Variants in MGA observed in about 807,000 individuals in gnomAD.
MGA encodes the protein MAX dimerization protein MGA, also known as MAX gene-associated protein.
In MGA, 40 loss-of-function variants were observed where a neutral mutation model predicts 261.1. The observed-to-expected ratio is 0.15, with a 90% CI of 0.12 to 0.20. The LOEUF is 0.20. Ranked by LOEUF, MGA falls within the 10% of genes least tolerant of loss-of-function variation. MGA has a pLI of 1.00. For missense variants in MGA, 3,397 were observed against 3,630.5 expected, an observed-to-expected ratio of 0.94 and a Z score of 1.65; for synonymous variants, 1,302 against 1,290.6, an observed-to-expected ratio of 1.01 and a Z score of -0.19.
At chr15:41,722,913 ATATT>A (rs1256178587) in intron 9 of MGA, among the ~76,000 whole-genome samples, 1 of 152,226 alleles carries the variant, frequency 6.6e-6, no homozygotes, top group Middle Eastern at 3.2e-3. Context: ...GAAAAGATAC[ATATT>A]TATTGTAATT....
At chr15:41,701,157 T>C (rs1167399380) in intron 5 of MGA, among the ~76,000 whole-genome samples, 1 of 152,202 alleles carries the variant, frequency 6.6e-6, no homozygotes, top group East Asian at 1.9e-4. Context: ...AATAATATTA[T>C]CTTATTTCTC....
At position 41,698,932 on chromosome 15, in the gene MGA, A is replaced by G; in HGVS notation, c.2083A>G (p.Asn695Asp). 6.4e-7 allele frequency: 1 copy of G among 1,550,702 alleles called. No individual in the cohort carries two copies. The highest frequency in any genetic ancestry group is 8.7e-7 in the Non-Finnish European group (1 of 1,146,392). ...TTCTAGTCTCCAGGCATCAACCACA[A>G]ATGACTCAGGTATTATAAAATAGTA... Residue 695 changes from asparagine (N) to aspartate (D), a missense_variant, in exon 4 of 24, where the codon AAT becomes GAT. By Grantham distance (23) the Asn-to-Asp change is conservative. This residue lies in a region of MGA where 563 missense variants were observed against 563.6 expected (regional missense o/e 1.00). Coordinates refer to ENST00000219905, the MANE Select transcript of MGA (RefSeq NM_001164273.2).
At chr15:41,764,241 C>G (rs745733913) in intron 22 of MGA, among the ~76,000 whole-genome samples, 37 of 144,790 alleles carry the variant, frequency 2.6e-4, no homozygotes, top group Admixed American at 1.5e-4. Flanking sequence ...CAAAAAAAAT[C>G]TGGTGTGGGT....
At chr15:41,685,137 T>A (rs2058886959) in intron 2 of MGA, among the ~76,000 whole-genome samples, 2 of 152,232 alleles carry the variant, frequency 1.3e-5, no homozygotes, top group African/African-American at 4.8e-5. Flanking sequence ...TTATTAATAA[T>A]TTTTGTACAT....
At chr15:41,665,794 A>T (rs914957009) in intron 1 of MGA, among the ~76,000 whole-genome samples, 1 of 152,234 alleles carries the variant, frequency 6.6e-6, no homozygotes, top group African/African-American at 2.4e-5. Context: ...CCTTCCCCTG[A>T]AACCACTAAT....
intron 2 of MGA, among the ~76,000 whole-genome samples, chr15:41,679,995 G>A (rs78703273): frequency 0.067 from 10,192 of 152,120 alleles, 466 homozygotes; most frequent in Non-Finnish European, 0.094. Context: ...TTTATTGACC[G>A]TTGGGGTTAC....
chr15:41,692,073 ATGT>A (rs2151241609), intron 2 of MGA, among the ~76,000 whole-genome samples: 1 of 152,062 alleles, frequency 6.6e-6, no homozygotes, highest in South Asian at 2.1e-4. Context: ...AGATCATTTT[ATGT>A]TGTCCCAGAG....
rs1209383270 is a variant in MGA, at chr15:41,740,111, C to T, written c.4493C>T (p.Thr1498Ile). Reference sequence around the variant, plus strand: ...AAACCACGTACCCTGTTGCCTTCAACATCCAATTCCAAAATGGCATCCTCC... The same window carrying T: ...AAACCACGTACCCTGTTGCCTTCAATATCCAATTCCAAAATGGCATCCTCC... Residue 1498 changes from threonine to isoleucine, a missense_variant, in exon 14 of 24, where the codon ACA (threonine) becomes ATA (isoleucine). Around this residue, in one of 9 missense-constraint regions of MGA, gnomAD observed 1,410 missense variants for 1,386.4 expected, o/e 1.02. Transcript: ENST00000219905. 1.2e-6 allele frequency: 2 copies of T among 1,614,014 alleles called. No homozygotes were observed. The highest frequency in any genetic ancestry group is 1.7e-6 in the Non-Finnish European group (2 of 1,179,892).
chr15:41,720,978 T>C (rs1250949628), intron 9 of MGA, among the ~76,000 whole-genome samples: 1 of 152,210 alleles, frequency 6.6e-6, no homozygotes, highest in Non-Finnish European at 1.5e-5. Flanking sequence ...ATAGAAACTT[T>C]ATTCGTTTCT....
intron 15 of MGA, among the ~76,000 whole-genome samples, chr15:41,746,860 C>T (rs1291429231): frequency 6.6e-6 from 1 of 151,154 alleles, no homozygotes; most frequent in Non-Finnish European, 1.5e-5. Flanking sequence ...AATAAGCCTA[C>T]CAATTTTTAT....
intron 18 of MGA, among the ~76,000 whole-genome samples, chr15:41,754,785 T>A (rs1324105493): frequency 6.6e-6 from 1 of 152,178 alleles, no homozygotes; most frequent in Admixed American, 6.5e-5. Context: ...AACATGCTTT[T>A]GGAGCCCGAT....
At chr15:41,648,934 GTC>G (rs1331249644) in intron 1 of MGA, among the ~76,000 whole-genome samples, 1 of 152,130 alleles carries the variant, frequency 6.6e-6, no homozygotes, top group Non-Finnish European at 1.5e-5. Flanking sequence ...AAAAAGAAAA[GTC>G]TGTTGCAGTA....
intron 5 of MGA, among the ~76,000 whole-genome samples, chr15:41,706,179 G>A (rs1391238342): frequency 6.6e-6 from 1 of 151,034 alleles, no homozygotes; most frequent in Non-Finnish European, 1.5e-5. Context: ...GGAGGTTGCA[G>A]TGAGCCGAGA....
intron 2 of MGA, among the ~76,000 whole-genome samples, chr15:41,678,063 T>A (rs912284854): frequency 6.6e-6 from 1 of 152,044 alleles, no homozygotes; most frequent in Admixed American, 6.6e-5. Context: ...TTTTACCTCT[T>A]AAGTTTAGGT....
intron 1 of MGA, among the ~76,000 whole-genome samples, chr15:41,649,710 C>CTT (rs1262546749): frequency 6.6e-6 from 1 of 152,172 alleles, no homozygotes. Flanking sequence ...GCTGGAGTCT[C>CTT]TCTCTGTCAC....
At position 41,678,797 on chromosome 15, in the gene MGA, CT is replaced by C. The variant is rs542592911; in HGVS notation, c.1064+8840del. On this transcript the variant is annotated intron_variant, in intron 2 of 23. Transcript: ENST00000219905. ...AAAAAAAAACCACAAAATGAAAAGACTGTCCTTTTCCCATTGAATGGTCTTT... is the reference window on the plus strand; with the variant it reads ...AAAAAAAAACCACAAAATGAAAAGACGTCCTTTTCCCATTGAATGGTCTTT... 1.6e-4 allele frequency among the ~76,000 whole-genome samples: 25 copies of C among 151,572 alleles called. No homozygotes were observed. In the South Asian group the frequency reaches 4.6e-3, roughly 28 times the overall value.
chr15:41,628,578 T>C (rs2056515081), intron 1 of MGA, among the ~76,000 whole-genome samples: 1 of 151,942 alleles, frequency 6.6e-6, no homozygotes, highest in Admixed American at 6.6e-5. Context: ...AGACTTTGTG[T>C]CAAAAATCAG....
chr15:41,703,373 C>CCT (rs956251097), intron 5 of MGA, among the ~76,000 whole-genome samples: 1 of 137,212 alleles, frequency 7.3e-6, no homozygotes. Context: ...AAGTTACCCC[C>CCT]CCCCCCACTC....
intron 2 of MGA, among the ~76,000 whole-genome samples, chr15:41,679,220 G>A (rs1468709507): frequency 6.6e-6 from 1 of 151,916 alleles, no homozygotes; most frequent in African/African-American, 2.4e-5. Context: ...TATTTTTAGT[G>A]GAGATGGGGT....
Sources: allele counts gnomAD v4.1 joint callset (sites outside exome capture counted in the v4.1 genomes callset), GRCh38; gene constraint gnomAD v4.1.1; regional missense constraint gnomAD v4.1.1; transcripts MANE v1.5; gene names NCBI Gene and HGNC (gene_info 2026-07-23, HGNC 2026-07-21).